Variants in SPG11 observed in about 807,000 individuals in gnomAD.
SPG11 encodes spatacsin.
A neutral mutation model predicts 274.0 loss-of-function variants in SPG11; 222 were observed. The ratio of observed to expected loss-of-function variants is 0.81; its 90% confidence interval spans 0.73 to 0.91. The LOEUF (loss-of-function observed/expected upper bound fraction) is 0.91. Ranked by LOEUF, SPG11 falls within the 40% of genes least tolerant of loss-of-function variation. SPG11 has a pLI of 0.00. For missense variants in SPG11, 3,114 were observed against 2,872.7 expected (o/e 1.08, Z -1.92); for synonymous variants, 1,144 against 1,039.7 (o/e 1.10, Z -1.93).
intron 18 of SPG11, among the ~76,000 whole-genome samples, chr15:44,609,879 C>A (rs1227264614): frequency 6.6e-6 from 1 of 150,436 alleles, no homozygotes; most frequent in Admixed American, 6.6e-5. Context: ...CAGGAGCACG[C>A]CACCATGCCC....
intron 29 of SPG11, 37 bp from the exon 30 acceptor site, chr15:44,584,595 G>T: frequency 1.3e-6 from 2 of 1,598,606 alleles, no homozygotes; most frequent in South Asian, 2.2e-5. Context: ...AGCCTTTCTT[G>T]GATAAAAAAG....
chr15:44,648,883 G>C lies in SPG11; in HGVS notation c.1585C>G (p.Pro529Ala). The C allele has an allele frequency of 1.9e-6, 3 of 1,614,090 alleles. No homozygotes were observed. Among genetic ancestry groups the C allele is most frequent in the Non-Finnish European group, 2.5e-6 (3 of 1,179,996 alleles). ...HLNGWGRCSI[P>A]IHALEAGIEN... ...TCTGTTACCTCTAGTGCATGTATGGGAATTGAGCACCTTCCCCAGCCATTG... is the reference window on the plus strand; with the variant it reads ...TCTGTTACCTCTAGTGCATGTATGGCAATTGAGCACCTTCCCCAGCCATTG... The change falls in exon 7 of 40, where the codon CCC becomes GCC. Residue 529 changes from proline (P) to alanine (A), a missense_variant. By Grantham distance (27) the Pro-to-Ala change is conservative. Transcript: ENST00000261866.
At chr15:44,595,724 A>G (rs2083018876) in intron 25 of SPG11, among the ~76,000 whole-genome samples, 1 of 152,230 alleles carries the variant, frequency 6.6e-6, no homozygotes, top group Non-Finnish European at 1.5e-5. Context: ...ATAAGAGAGT[A>G]GGATTGCCCT....
At chr15:44,643,006 C>T (rs909944961) in intron 7 of SPG11, among the ~76,000 whole-genome samples, 2 of 152,136 alleles carry the variant, frequency 1.3e-5, no homozygotes, top group African/African-American at 4.8e-5. Context: ...ATGGTGGATA[C>T]AAGAATATTT....
chr15:44,621,855 AT>A lies in SPG11; in HGVS notation c.2523del (p.Glu841AspfsTer11), dbSNP rs756786583. 1 of 1,613,960 alleles carries A rather than the reference AT, an allele frequency of 6.2e-7. No individual in the cohort carries two copies. The highest frequency in any genetic ancestry group is 1.3e-5 in the African/African-American group (1 of 75,042). ...DSFLKYDCKD[E>X]FNKQDHRIVL... is the part of the protein sequence containing the mutation. ...ACAATTCTATGGTCCTGTTTGTTAA[AT>A]TCATCTTTACAATCATATTTCAGGA... On this transcript the variant is annotated frameshift_variant, in exon 14 of 40. Transcript: ENST00000261866. LOFTEE classifies it high-confidence loss of function.
intron 7 of SPG11, among the ~76,000 whole-genome samples, chr15:44,642,748 T>C (rs1412377299): frequency 2.0e-5 from 3 of 151,812 alleles, no homozygotes; most frequent in Non-Finnish European, 4.4e-5. Flanking sequence ...TATATACCTA[T>C]AGTCCCAGCT....
chr15:44,640,364 A>G (rs963222096), intron 7 of SPG11, among the ~76,000 whole-genome samples: 14 of 152,204 alleles, frequency 9.2e-5, no homozygotes, highest in African/African-American at 3.4e-4. Flanking sequence ...ATTAATAAAG[A>G]CCTGCCCCGC....
chr15:44,608,119 C>T (rs1181237666), intron 19 of SPG11, among the ~76,000 whole-genome samples: 3 of 152,154 alleles, frequency 2.0e-5, no homozygotes, highest in East Asian at 3.9e-4. Context: ...GGGGCATCTC[C>T]GCTAAGTTTC....
Position 44,596,808 on chromosome 15 carries a change from T to A in SPG11, c.4137A>T (p.Gln1379His), listed in dbSNP as rs748617459. 6.2e-7 allele frequency: 1 copy of A among 1,613,720 alleles called. No homozygotes were observed. The highest frequency in any genetic ancestry group is 1.7e-5 in the Admixed American group (1 of 59,950). The change falls in exon 24 of 40, where the codon CAA (glutamine) becomes CAT (histidine). Residue 1379 changes from glutamine (Q) to histidine (H), a missense_variant. Gln to His is a conservative substitution (Grantham distance 24). Coordinates refer to ENST00000261866, the MANE Select transcript of SPG11 (RefSeq NM_025137.4). The stretch of plus-strand genomic sequence containing the variant: ...CCTCTGCTGGGTGGTAGTTGTGGAG[T>A]TGGCTGTGAATAATGAACTGCAGCC... Reference protein sequence around the residue: ...NDWLQFIIHSQLHNYHPAEVK... With the variant: ...NDWLQFIIHSHLHNYHPAEVK...
chr15:44,601,829 G>A (rs922981514), intron 20 of SPG11, among the ~76,000 whole-genome samples: 3 of 152,166 alleles, frequency 2.0e-5, no homozygotes, highest in Non-Finnish European at 2.9e-5. Flanking sequence ...AAAGTGCTGC[G>A]ATTACAGGCA....
chr15:44,634,754 T>C (rs1595906133), intron 7 of SPG11, among the ~76,000 whole-genome samples: 1 of 151,916 alleles, frequency 6.6e-6, no homozygotes, highest in East Asian at 2.0e-4. Context: ...ACTCAGCTAA[T>C]TTAACAGAAA....
At chr15:44,573,480 A>C (rs1055461789) in intron 32 of SPG11, 67 bp downstream of exon 32, 10 of 1,560,640 alleles carry the variant, frequency 6.4e-6, no homozygotes, top group Non-Finnish European at 8.8e-6. Context: ...CACAACATCC[A>C]AATCCTTAAC....
intron 15 of SPG11, among the ~76,000 whole-genome samples, chr15:44,616,139 C>G (rs2083588193): frequency 6.6e-6 from 1 of 151,880 alleles, no homozygotes; most frequent in Admixed American, 6.6e-5. Context: ...TATTCCTTCC[C>G]AACTGCATGC....
chr15:44,638,680 G>C (rs1439528593), intron 7 of SPG11, among the ~76,000 whole-genome samples: 1 of 152,084 alleles, frequency 6.6e-6, no homozygotes, highest in Non-Finnish European at 1.5e-5. Flanking sequence ...CCTGGATGGT[G>C]GTTACAAGAG....
At chr15:44,658,909 T>C (rs993623797) in intron 3 of SPG11, among the ~76,000 whole-genome samples, 170 bp downstream of exon 3, 3 of 152,220 alleles carry the variant, frequency 2.0e-5, no homozygotes, top group Admixed American at 6.5e-5. Flanking sequence ...TAAAGCAATA[T>C]ACAATTTAGT....
chr15:44,564,132 A>G (rs930974853), intron 39 of SPG11, among the ~76,000 whole-genome samples: 2 of 152,106 alleles, frequency 1.3e-5, no homozygotes, highest in Non-Finnish European at 2.9e-5. Context: ...AGCTGGGACT[A>G]CAGGTGCCAG....
intron 35 of SPG11, among the ~76,000 whole-genome samples, chr15:44,567,906 A>G (rs986240000): frequency 6.6e-6 from 1 of 152,232 alleles, no homozygotes; most frequent in Non-Finnish European, 1.5e-5. Context: ...GCTAAGATGA[A>G]TGTAACAGGG....
At chr15:44,584,729 A>G (rs1295094369) in intron 29 of SPG11, among the ~76,000 whole-genome samples, 171 bp from the exon 30 acceptor site, 1 of 152,176 alleles carries the variant, frequency 6.6e-6, no homozygotes, top group Non-Finnish European at 1.5e-5. Context: ...TGCTGGACCC[A>G]AGAGATCCTC....
intron 7 of SPG11, among the ~76,000 whole-genome samples, chr15:44,644,717 T>C (rs1326411586): frequency 5.3e-5 from 8 of 152,128 alleles, no homozygotes; most frequent in Non-Finnish European, 1.0e-4. Context: ...ATAAACAACT[T>C]TGGCAAAGTT....
Sources: allele counts gnomAD v4.1 joint callset (sites outside exome capture counted in the v4.1 genomes callset), GRCh38; gene constraint gnomAD v4.1.1; transcripts MANE v1.5; gene names NCBI Gene and HGNC (gene_info 2026-07-23, HGNC 2026-07-21).